The following CUBN variants were observed in gnomAD, a reference collection of about 807,000 sequenced individuals.
CUBN encodes the protein cubilin.
In CUBN, 282 loss-of-function variants were observed where a neutral mutation model predicts 405.3. The observed-to-expected ratio is 0.70, with a 90% CI of 0.63 to 0.77. The LOEUF (loss-of-function observed/expected upper bound fraction) is 0.77, where lower values mean the gene tolerates loss of function less well. CUBN is among the 30% of genes least tolerant of loss of function. CUBN has a pLI of 0.00. For synonymous variants in CUBN, 1,684 were observed against 1,617.0 expected (o/e 1.04, Z -0.99); for missense variants, 4,514 against 4,475.2 (o/e 1.01, Z -0.25).
At chr10:16,847,159 T>C (rs140445761) in intron 60 of CUBN, among the ~76,000 whole-genome samples, 5 of 152,048 alleles carry the variant, frequency 3.3e-5, no homozygotes, top group Non-Finnish European at 7.4e-5. Flanking sequence ...TGTCCGTTAT[T>C]TAAATGTGTT....
At chr10:16,974,522 C>T (rs530787601) in intron 31 of CUBN, among the ~76,000 whole-genome samples, 36 of 136,692 alleles carry the variant, frequency 2.6e-4, no homozygotes, top group African/African-American at 8.3e-4. Context: ...CTCCCGAGTT[C>T]CCGCCATGCC....
At chr10:16,923,065 T>G (rs1311696753) in intron 43 of CUBN, among the ~76,000 whole-genome samples, 1 of 152,038 alleles carries the variant, frequency 6.6e-6, no homozygotes, top group Non-Finnish European at 1.5e-5. Context: ...CTCAAACTCC[T>G]AAGCTCAAGT....
chr10:17,011,621 T>C (rs1040893047), intron 28 of CUBN, among the ~76,000 whole-genome samples: 14 of 152,080 alleles, frequency 9.2e-5, no homozygotes, highest in Admixed American at 7.9e-4. Flanking sequence ...CTAGCTCGGG[T>C]GGCCAGCTTT....
At chr10:16,915,602 C>T (rs1841861187) in intron 46 of CUBN, among the ~76,000 whole-genome samples, 1 of 152,168 alleles carries the variant, frequency 6.6e-6, no homozygotes, top group Non-Finnish European at 1.5e-5. Context: ...CCCCAAGTGG[C>T]CTCCAGGGTG....
Position 16,828,831 on chromosome 10 carries a change from G to C in CUBN, c.10738C>G (p.Pro3580Ala), listed in dbSNP as rs995767046. ...TLYDGPNASS[P>A]SSGPYCGGDT... Reference sequence around the variant, plus strand: ...CCTCCGCAGTATGGTCCAGAGGATGGAGAGCTGGCGTTGGGCCCATCATAG... The same window carrying C: ...CCTCCGCAGTATGGTCCAGAGGATGCAGAGCTGGCGTTGGGCCCATCATAG... Residue 3580 changes from proline to alanine, a missense_variant, in exon 66 of 67, where the codon CCA (proline) becomes GCA (alanine). Coordinates refer to ENST00000377833, the MANE Select transcript of CUBN (RefSeq NM_001081.4). 4 of 1,613,504 alleles carry C rather than the reference G, an allele frequency of 2.5e-6. No homozygotes were observed. In the African/African-American group the frequency reaches 5.3e-5, roughly 22 times the overall value.
At chr10:16,942,850 A>AAGGGGAAGGGAAAGG (rs1467376408) in intron 36 of CUBN, among the ~76,000 whole-genome samples, 2 of 120,006 alleles carry the variant, frequency 1.7e-5, no homozygotes, top group Non-Finnish European at 3.3e-5. Flanking sequence ...GGGGAAGGGG[A>AAGGGGAAGGGAAAGG]AGGGGAAGGG....
intron 58 of CUBN, among the ~76,000 whole-genome samples, chr10:16,874,060 T>C (rs1840432764): frequency 1.3e-5 from 2 of 152,192 alleles, no homozygotes; most frequent in African/African-American, 2.4e-5. Context: ...GCCCTTCCTC[T>C]CTCCTTTGAT....
chr10:17,091,108 A>T (rs1213187273), intron 14 of CUBN, among the ~76,000 whole-genome samples: 1 of 152,170 alleles, frequency 6.6e-6, no homozygotes, highest in Non-Finnish European at 1.5e-5. Flanking sequence ...AGAGCCTAGA[A>T]CATCTTTTCT....
At chr10:16,843,995 C>A (rs1325437222) in intron 60 of CUBN, among the ~76,000 whole-genome samples, 1 of 152,070 alleles carries the variant, frequency 6.6e-6, no homozygotes, top group Non-Finnish European at 1.5e-5. Flanking sequence ...ACCTGCGGGG[C>A]GTGGTGGCTC....
At chr10:17,058,673 A>G (rs1835444292) in intron 22 of CUBN, among the ~76,000 whole-genome samples, 1 of 152,070 alleles carries the variant, frequency 6.6e-6, no homozygotes, top group Admixed American at 6.6e-5. Flanking sequence ...CTTAACTATC[A>G]CTGAACTCTA....
At position 16,836,388 on chromosome 10, in the gene CUBN, A is replaced by G. The variant is rs760503221; in HGVS notation, c.10033-6T>C. 6.2e-7 allele frequency: 1 copy of G among 1,613,582 alleles called. No homozygotes were observed. The highest frequency in any genetic ancestry group is 1.3e-5 in the African/African-American group (1 of 74,920). On this transcript the variant is annotated splice_polypyrimidine_tract_variant and splice_region_variant and intron_variant, in intron 62 of 66. Transcript: ENST00000377833. ...AATCTTGAATTTCCGTGACCCTGAA[A>G]TGAAATGGGAGCCAAATCATGTTAG...
At chr10:16,891,563 A>G (rs1261324311) in intron 54 of CUBN, among the ~76,000 whole-genome samples, 1 of 152,150 alleles carries the variant, frequency 6.6e-6, no homozygotes, top group African/African-American at 2.4e-5. Context: ...TTTGGAAAAC[A>G]TTACAATTCG....
At position 17,109,666 on chromosome 10, in the gene CUBN, G is replaced by T; in HGVS notation, c.1085C>A (p.Pro362Gln). Residue 362 changes from proline (P) to glutamine (Q), a missense_variant, in exon 10 of 67, where the codon CCA becomes CAA. Transcript: ENST00000377833. ...TAGAGTTGAGGAGCATGAGGCATCT[G>T]GGTGGCAGCCTCCATTACTGACTGA... ...ICSVSNGGCH[P>Q]DASCSSTLGS... The T allele has an allele frequency of 6.2e-7, 1 of 1,613,862 alleles. No individual in the cohort carries two copies. The highest frequency in any genetic ancestry group is 1.3e-5 in the African/African-American group (1 of 75,002).
intron 28 of CUBN, among the ~76,000 whole-genome samples, chr10:17,013,089 A>G (rs968833567): frequency 1.3e-5 from 2 of 152,228 alleles, no homozygotes; most frequent in African/African-American, 2.4e-5. Context: ...AAGACCTTCA[A>G]TTATCTATTA....
chr10:16,984,925 A>C (rs1389077542), intron 29 of CUBN, among the ~76,000 whole-genome samples: 1 of 152,060 alleles, frequency 6.6e-6, no homozygotes, highest in Non-Finnish European at 1.5e-5. Context: ...GATGCTATGC[A>C]CCCTCCCTGT....
chr10:16,964,204 T>C (rs532546778), intron 31 of CUBN, among the ~76,000 whole-genome samples: 2 of 152,022 alleles, frequency 1.3e-5, no homozygotes, highest in Admixed American at 1.3e-4. Flanking sequence ...AGAAAAGCTA[T>C]ATAAAGGAAA....
chr10:16,925,837 T>C, intron 41 of CUBN, 63 bp from the exon 42 acceptor site: 1 of 1,464,122 alleles, frequency 6.8e-7, no homozygotes. Flanking sequence ...TTTTATGCTT[T>C]CTTAGTTTTC....
intron 22 of CUBN, among the ~76,000 whole-genome samples, chr10:17,050,353 GCTTT>G (rs1373093967): frequency 1.3e-5 from 2 of 152,322 alleles, no homozygotes; most frequent in African/African-American, 4.8e-5. Context: ...GATTTCCTTG[GCTTT>G]CTACCTGTGC....
intron 54 of CUBN, among the ~76,000 whole-genome samples, chr10:16,898,449 C>T (rs1043435985): frequency 9.2e-5 from 14 of 152,086 alleles, no homozygotes; most frequent in African/African-American, 3.4e-4. Context: ...AAATAAGGCA[C>T]TCTTTCTCTA....
Sources: gnomAD v4.1 joint callset for allele counts (sites outside exome capture counted in the v4.1 genomes callset) on GRCh38, gnomAD v4.1.1 for gene constraint, MANE v1.5 for transcripts, NCBI Gene and HGNC (gene_info 2026-07-23, HGNC 2026-07-21) for gene names.